Variants in MGMT observed in about 807,000 individuals in gnomAD.
The protein encoded by MGMT is methylated-DNA--protein-cysteine methyltransferase.
A neutral mutation model predicts 15.9 loss-of-function variants in MGMT; 14 were observed. That is an observed-to-expected ratio of 0.88 (90% CI 0.58 to 1.37). The LOEUF (loss-of-function observed/expected upper bound fraction) is 1.37. Among genes scored for constraint, MGMT ranks in the 40% most tolerant of loss-of-function variants. The probability of loss-of-function intolerance (pLI) is 0.00; values close to 1 mark genes in which losing one functional copy is unlikely to be tolerated. For missense variants in MGMT, 282 were observed against 268.1 expected (o/e 1.05, Z -0.36); for synonymous variants, 130 against 118.2 (o/e 1.10, Z -0.65).
Position 129,767,185 on chromosome 10 carries a change from C to T in MGMT, c.*188C>T. 1.9e-6 allele frequency: 1 copy of T among 534,860 alleles called. No homozygotes were observed. The highest frequency in any genetic ancestry group is 3.3e-6 in the Non-Finnish European group (1 of 306,790). The allele number at this position is 534,860 out of a possible 1,614,324, so 33.1% of individuals were successfully genotyped here. ...CCGCGGTCCTGCACACATTTGTTTC[C>T]TTCTCTAACGCTGCCCTTGCTCTAT... On this transcript the variant is annotated 3_prime_UTR_variant, in exon 5 of 5. Transcript: ENST00000651593.
chr10:129,509,423 G>A (rs971229691), intron 1 of MGMT, among the ~76,000 whole-genome samples: 1 of 152,164 alleles, frequency 6.6e-6, no homozygotes, highest in African/African-American at 2.4e-5. Context: ...CCTTCTCTGT[G>A]TGTGTGCCTG....
chr10:129,710,857 A>G (rs1268793380), intron 3 of MGMT, among the ~76,000 whole-genome samples: 1 of 152,202 alleles, frequency 6.6e-6, no homozygotes, highest in Non-Finnish European at 1.5e-5. Flanking sequence ...CATTTCCTTG[A>G]CCAATTCCTT....
chr10:129,763,110 C>A (rs1848893890), intron 4 of MGMT, among the ~76,000 whole-genome samples: 1 of 151,968 alleles, frequency 6.6e-6, no homozygotes, highest in Non-Finnish European at 1.5e-5. Context: ...AGTTTTATAG[C>A]GTTTGAGAAA....
At chr10:129,474,615 A>G (rs912660904) in intron 1 of MGMT, among the ~76,000 whole-genome samples, 1 of 152,192 alleles carries the variant, frequency 6.6e-6, no homozygotes, top group African/African-American at 2.4e-5. Flanking sequence ...CGAGGATGGC[A>G]GCGGTGGACC....
intron 2 of MGMT, among the ~76,000 whole-genome samples, chr10:129,621,958 CATTTT>C (rs1847095670): frequency 6.6e-6 from 1 of 152,120 alleles, no homozygotes; most frequent in Admixed American, 6.5e-5. Context: ...ATTTATGAGT[CATTTT>C]ATTTATTCAT....
chr10:129,506,889 A>G (rs1845631188), intron 1 of MGMT, among the ~76,000 whole-genome samples: 2 of 150,882 alleles, frequency 1.3e-5, no homozygotes, highest in African/African-American at 4.9e-5. Context: ...TCTTCAGGGC[A>G]TCTTCTCTGG....
At chr10:129,483,965 C>G (rs1482113608) in intron 1 of MGMT, among the ~76,000 whole-genome samples, 1 of 151,942 alleles carries the variant, frequency 6.6e-6, no homozygotes, top group Non-Finnish European at 1.5e-5. Flanking sequence ...TTCACATATA[C>G]CTTATCCACA....
At chr10:129,467,878 G>A (rs1295722597) in intron 1 of MGMT, among the ~76,000 whole-genome samples, 4 of 152,184 alleles carry the variant, frequency 2.6e-5, no homozygotes, top group Admixed American at 1.3e-4. Flanking sequence ...TTATAACACC[G>A]CAGAGGAGTT....
chr10:129,769,514 C>G lies in MGMT; in HGVS notation c.*2517C>G, dbSNP rs1323978779. On this transcript the variant is annotated 3_prime_UTR_variant, in exon 5 of 5. Transcript: ENST00000651593. ...TCCCAGCACTGTGATGCTTTGAAGG[C>G]CGACACCGAGACCCGCCGTGCACGA... 1 of 151,976 alleles carries G rather than the reference C, an allele frequency of 6.6e-6. No individual in the cohort carries two copies. Among genetic ancestry groups the G allele is most frequent in the Non-Finnish European group, 1.5e-5 (1 of 67,996 alleles). 9.4% of individuals were successfully genotyped at this position (151,976 alleles called of 1,614,324 possible). A position where few individuals can be genotyped will look rare whatever the true frequency, so the allele number is the denominator to read the frequency against.
chr10:129,504,189 G>A (rs760179381), intron 1 of MGMT, among the ~76,000 whole-genome samples: 4 of 152,226 alleles, frequency 2.6e-5, no homozygotes, highest in Non-Finnish European at 5.9e-5. Flanking sequence ...CAGACATAAC[G>A]TGGCAATCAG....
At chr10:129,485,151 C>G (rs758794491) in intron 1 of MGMT, among the ~76,000 whole-genome samples, 1 of 152,146 alleles carries the variant, frequency 6.6e-6, no homozygotes, top group Non-Finnish European at 1.5e-5. Flanking sequence ...CTTTCTTTGA[C>G]CTCAGGGAGT....
chr10:129,635,366 T>A lies in MGMT; in HGVS notation c.126-72529T>A, dbSNP rs1847253413. The stretch of plus-strand genomic sequence containing the variant: ...GGGCTCACAGCTCCATCCCCTCAGT[T>A]TGGGAGCTGGCCAGGCCCTTCCTGT... On this transcript the variant is annotated intron_variant, in intron 2 of 4. Transcript: ENST00000651593. Among the ~76,000 whole-genome samples the A allele has an allele frequency of 2.6e-5, 4 of 152,306 alleles. No homozygotes were observed. The South Asian group carries it at 8.3e-4, about 32-fold the overall frequency.
intron 2 of MGMT, among the ~76,000 whole-genome samples, chr10:129,669,041 T>C (rs899010152): frequency 6.6e-6 from 1 of 152,248 alleles, no homozygotes; most frequent in African/African-American, 2.4e-5. Flanking sequence ...GTAAGTGTTA[T>C]GCATTTATTA....
rs527825708 is a variant in MGMT at position 129,662,847 on chromosome 10, T to A, written c.126-45048T>A. Among the ~76,000 whole-genome samples, 5 of 152,216 alleles carry A rather than the reference T, an allele frequency of 3.3e-5. No individual in the cohort carries two copies. The South Asian group carries it at 1.0e-3, about 32-fold the overall frequency. ...AGAGACAGATGAGAACACCTTAAAATGCTAAAAGTCACACTCATAATGAAG... is the reference window on the plus strand; with the variant it reads ...AGAGACAGATGAGAACACCTTAAAAAGCTAAAAGTCACACTCATAATGAAG... On this transcript the variant is annotated intron_variant, in intron 2 of 4. Coordinates refer to ENST00000651593, the MANE Select transcript of MGMT (RefSeq NM_002412.5).
intron 1 of MGMT, among the ~76,000 whole-genome samples, chr10:129,478,276 C>A (rs899269531): frequency 3.3e-5 from 5 of 152,152 alleles, no homozygotes; most frequent in African/African-American, 1.2e-4. Context: ...ACACACTAAT[C>A]CAGCCTGGTT....
At chr10:129,707,025 GC>G (rs1848171329) in intron 2 of MGMT, among the ~76,000 whole-genome samples, 1 of 152,232 alleles carries the variant, frequency 6.6e-6, no homozygotes, top group African/African-American at 2.4e-5. Flanking sequence ...AGTTTGGGGG[GC>G]CCACGCGGGC....
intron 1 of MGMT, among the ~76,000 whole-genome samples, chr10:129,471,609 G>A (rs1222521109): frequency 1.3e-5 from 2 of 152,098 alleles, no homozygotes; most frequent in Admixed American, 6.5e-5. Context: ...GGCAACAGTG[G>A]AGGAGCGTTT....
chr10:129,650,315 CTG>C lies in MGMT; in HGVS notation c.126-57577_126-57576del, dbSNP rs374068806. Among the ~76,000 whole-genome samples the C allele has an allele frequency of 5.3e-4, 80 of 152,294 alleles. 1 individual carries two copies. The East Asian group carries it at 0.012, about 24-fold the overall frequency. On this transcript the variant is annotated intron_variant, in intron 2 of 4. Transcript: ENST00000651593. ...AGGTGTTGTTGTAAATCTGGTGTCT[CTG>C]TGGAAGCAATGCCAGTCCTCTAATT...
At chr10:129,507,161 T>C (rs919568646) in intron 1 of MGMT, among the ~76,000 whole-genome samples, 4 of 152,192 alleles carry the variant, frequency 2.6e-5, no homozygotes, top group African/African-American at 7.2e-5. Context: ...AGGACTGATC[T>C]AGTGTTGAAA....
Sources: gnomAD v4.1 joint callset for allele counts (sites outside exome capture counted in the v4.1 genomes callset) on GRCh38, gnomAD v4.1.1 for gene constraint, MANE v1.5 for transcripts, NCBI Gene and HGNC (gene_info 2026-07-23, HGNC 2026-07-21) for gene names.